KAZN: variants seen among roughly 807,000 people sequenced by gnomAD.
The protein encoded by KAZN is kazrin, periplakin interacting protein, also known as kazrin.
KAZN carries 40 observed loss-of-function variants against 87.4 expected under a neutral mutation model. That is an observed-to-expected ratio of 0.46 (90% CI 0.36 to 0.60). The LOEUF is 0.60. Among genes scored for constraint, KAZN ranks in the 20% least tolerant of loss-of-function variants. KAZN has a pLI of 0.00. For missense variants in KAZN, 898 were observed against 1,073.9 expected (o/e 0.84, Z 2.29); for synonymous variants, 466 against 458.3 (o/e 1.02, Z -0.22).
intron 2 of KAZN, among the ~76,000 whole-genome samples, chr1:14,315,463 T>C (rs970527870): frequency 3.9e-4 from 60 of 152,132 alleles, no homozygotes; most frequent in African/African-American, 1.4e-3. Flanking sequence ...TTTTGACACA[T>C]ATAGATGCCT....
chr1:15,059,318 G>T (rs955594017), intron 5 of KAZN, among the ~76,000 whole-genome samples: 2 of 152,214 alleles, frequency 1.3e-5, no homozygotes, highest in African/African-American at 4.8e-5. Flanking sequence ...GACAGGCTGA[G>T]ACCTGGAGGA....
rs377039076 is a variant in KAZN at position 14,510,985 on chromosome 1, C to G, written c.250-87998C>G. Among the ~76,000 whole-genome samples the G allele has an allele frequency of 4.6e-5, 7 of 152,128 alleles. No homozygotes were observed. The East Asian group carries it at 1.2e-3, about 25-fold the overall frequency. On this transcript the variant is annotated intron_variant, in intron 2 of 16. Transcript: ENST00000636203. The stretch of plus-strand genomic sequence containing the variant: ...ACTAGACCAAGAGGTCTCTTCGTCG[C>G]TCAAGATACATGATTAATCTTGGTG...
intron 1 of KAZN, among the ~76,000 whole-genome samples, chr1:14,684,316 T>C (rs921325064): frequency 1.3e-5 from 2 of 152,148 alleles, no homozygotes; most frequent in Admixed American, 1.3e-4. Context: ...CCAAGTTTGA[T>C]CCCAGCTCCA....
intron 1 of KAZN, among the ~76,000 whole-genome samples, chr1:14,127,912 C>T (rs375297726): frequency 6.6e-6 from 1 of 152,090 alleles, no homozygotes; most frequent in Non-Finnish European, 1.5e-5. Context: ...TTGTGAGGTC[C>T]CTGGGTCCAC....
intron 1 of KAZN, among the ~76,000 whole-genome samples, chr1:14,016,095 C>T (rs1640559257): frequency 6.6e-6 from 1 of 152,122 alleles, no homozygotes; most frequent in Non-Finnish European, 1.5e-5. Context: ...AGCTGTGTTT[C>T]CAGGCAAGCT....
intron 1 of KAZN, among the ~76,000 whole-genome samples, chr1:14,882,195 T>C (rs1653412128): frequency 1.3e-5 from 2 of 152,242 alleles, no homozygotes; most frequent in Admixed American, 6.5e-5. Flanking sequence ...GGAAGTGTTG[T>C]TATCTCATGC....
At chr1:14,815,732 GC>G (rs35329204) in intron 1 of KAZN, among the ~76,000 whole-genome samples, 1 of 152,188 alleles carries the variant, frequency 6.6e-6, no homozygotes, top group Non-Finnish European at 1.5e-5. Context: ...AGATGGCAGA[GC>G]CCATGCTGTG....
chr1:14,909,147 A>T (rs1368830488), intron 1 of KAZN, among the ~76,000 whole-genome samples: 1 of 152,218 alleles, frequency 6.6e-6, no homozygotes, highest in East Asian at 1.9e-4. Context: ...CAGTAATAGT[A>T]TATACTTTCG....
intron 2 of KAZN, among the ~76,000 whole-genome samples, chr1:14,463,954 G>C (rs1486671947): frequency 6.6e-6 from 1 of 152,222 alleles, no homozygotes; most frequent in Non-Finnish European, 1.5e-5. Context: ...CATTCTGAGA[G>C]CTTGGAGGGG....
intron 2 of KAZN, among the ~76,000 whole-genome samples, chr1:15,022,824 A>G (rs564083820): frequency 6.6e-6 from 1 of 152,308 alleles, no homozygotes; most frequent in Admixed American, 6.5e-5. Context: ...GATCCCTGGT[A>G]GGCTCTGTGC....
chr1:14,419,734 G>C (rs868848373), intron 2 of KAZN, among the ~76,000 whole-genome samples: 4 of 152,096 alleles, frequency 2.6e-5, no homozygotes, highest in Admixed American at 6.5e-5. Flanking sequence ...TCCGCGGTGA[G>C]CGTTAGGACT....
chr1:14,921,560 A>G (rs896343777), intron 1 of KAZN, among the ~76,000 whole-genome samples: 3 of 152,340 alleles, frequency 2.0e-5, no homozygotes, highest in South Asian at 2.1e-4. Flanking sequence ...CCTGCCTGAC[A>G]ACAATCTACA....
chr1:15,065,500 T>A, intron 7 of KAZN, 130 bp from the exon 8 acceptor site: 1 of 795,332 alleles, frequency 1.3e-6, no homozygotes, highest in Non-Finnish European at 2.1e-6. Flanking sequence ...AGCCCGTCCC[T>A]GACCCCACTG....
chr1:14,131,536 G>T (rs1644992871), intron 1 of KAZN, among the ~76,000 whole-genome samples: 1 of 151,940 alleles, frequency 6.6e-6, no homozygotes, highest in African/African-American at 2.4e-5. Flanking sequence ...GTTCTGCTTG[G>T]ATCTCTTCAA....
intron 1 of KAZN, among the ~76,000 whole-genome samples, chr1:14,043,591 C>G (rs1337760270): frequency 6.9e-6 from 1 of 145,614 alleles, no homozygotes; most frequent in Non-Finnish European, 1.5e-5. Flanking sequence ...TCTATACCCT[C>G]TCCAACACTT....
At chr1:14,355,137 CA>C (rs1324507041) in intron 2 of KAZN, among the ~76,000 whole-genome samples, 6 of 152,068 alleles carry the variant, frequency 3.9e-5, no homozygotes, top group Admixed American at 1.3e-4. Context: ...ATTCCAGAAC[CA>C]ACACAATTAA....
At chr1:14,433,126 C>T (rs1325775250) in intron 2 of KAZN, among the ~76,000 whole-genome samples, 4 of 152,068 alleles carry the variant, frequency 2.6e-5, no homozygotes, top group South Asian at 4.2e-4. Context: ...AAATAAAATA[C>T]ACATGTTGTA....
At chr1:14,287,646 TC>T in intron 2 of KAZN, among the ~76,000 whole-genome samples, 1 of 152,306 alleles carries the variant, frequency 6.6e-6, no homozygotes, top group South Asian at 2.1e-4. Flanking sequence ...TTTGACTTCC[TC>T]CTCTCCTAAT....
intron 1 of KAZN, among the ~76,000 whole-genome samples, chr1:14,720,862 G>A (rs918346728): frequency 4.6e-5 from 7 of 152,060 alleles, no homozygotes; most frequent in African/African-American, 9.7e-5. Context: ...GACTACTACC[G>A]CGCCTGACCT....
Sources: gnomAD v4.1 joint callset for allele counts (sites outside exome capture counted in the v4.1 genomes callset) on GRCh38, gnomAD v4.1.1 for gene constraint, MANE v1.5 for transcripts, NCBI Gene and HGNC (gene_info 2026-07-23, HGNC 2026-07-21) for gene names.